RFFL: variants seen among roughly 807,000 people sequenced by gnomAD.
RFFL encodes the protein E3 ubiquitin-protein ligase rififylin.
In RFFL, 16 loss-of-function variants were observed where a neutral mutation model predicts 40.4. The observed-to-expected ratio is 0.40, with a 90% CI of 0.27 to 0.60. RFFL has a LOEUF of 0.60. Ranked by LOEUF, RFFL falls within the 20% of genes least tolerant of loss-of-function variation. The probability of loss-of-function intolerance (pLI) is 0.47; values close to 1 mark genes in which losing one functional copy is unlikely to be tolerated. For missense variants in RFFL, 367 were observed against 451.7 expected (o/e 0.81, Z 1.70); for synonymous variants, 154 against 167.9 (o/e 0.92, Z 0.64).
chr17:35,012,461 T>G (rs142309953), intron 6 of RFFL, among the ~76,000 whole-genome samples: 1 of 152,270 alleles, frequency 6.6e-6, no homozygotes, highest in African/African-American at 2.4e-5. Context: ...AAAGAAATAA[T>G]TTTCAGACTG....
At chr17:35,054,059 A>T (rs1434175947) in intron 1 of RFFL, among the ~76,000 whole-genome samples, 2 of 152,284 alleles carry the variant, frequency 1.3e-5, no homozygotes, top group East Asian at 3.9e-4. Flanking sequence ...GAGAAGCTAG[A>T]TTGGCACCAC....
At chr17:35,076,402 C>T (rs1376590161) in intron 1 of RFFL, among the ~76,000 whole-genome samples, 4 of 151,872 alleles carry the variant, frequency 2.6e-5, no homozygotes, top group Admixed American at 1.3e-4. Context: ...GTAAAAACGC[C>T]GGGCGTGGTG....
In RFFL at chr17:35,026,459, G is replaced by C; in HGVS notation, c.95C>G (p.Pro32Arg). ...QGARMQAYSN[P>R]GYSSFPSPTG... ...TGGGGAAGGGAAGGAGCTGTACCCAGGGTTGGAATAGGCCTGCATCCTGGC... is the reference window on the plus strand; with the variant it reads ...TGGGGAAGGGAAGGAGCTGTACCCACGGTTGGAATAGGCCTGCATCCTGGC... Residue 32 changes from proline to arginine, a missense_variant, in exon 2 of 7, where the codon CCT becomes CGT. Pro to Arg is a moderately radical substitution (Grantham distance 103). Coordinates refer to ENST00000394597, the MANE Select transcript of RFFL (RefSeq NM_001017368.2). 1 of 1,613,954 alleles carries C rather than the reference G, an allele frequency of 6.2e-7. No homozygotes were observed. Among genetic ancestry groups the C allele is most frequent in the Non-Finnish European group, 8.5e-7 (1 of 1,179,922 alleles).
At chr17:35,061,921 C>T (rs2091293565) in intron 1 of RFFL, among the ~76,000 whole-genome samples, 1 of 151,890 alleles carries the variant, frequency 6.6e-6, no homozygotes, top group Non-Finnish European at 1.5e-5. Context: ...CTCAGGTGAT[C>T]TGCCCACCTC....
chr17:35,083,730 A>C (rs557553921), intron 1 of RFFL, among the ~76,000 whole-genome samples: 12 of 149,322 alleles, frequency 8.0e-5, no homozygotes, highest in Non-Finnish European at 1.5e-4. Context: ...GCAGTGAGCC[A>C]AGATCACACC....
At chr17:35,062,058 A>G (rs1249307500) in intron 1 of RFFL, among the ~76,000 whole-genome samples, 1 of 152,160 alleles carries the variant, frequency 6.6e-6, no homozygotes, top group Non-Finnish European at 1.5e-5. Context: ...CACATCAAAC[A>G]GTACTCCAAC....
Position 35,069,319 on chromosome 17 carries a change from G to T in RFFL, c.-9+19786C>A, listed in dbSNP as rs1351824956. 2.0e-5 allele frequency: 9 copies of T among 456,618 alleles called. No homozygotes were observed. In the East Asian group the frequency reaches 4.9e-4, roughly 25 times the overall value. The allele number at this position is 456,618 out of a possible 1,614,324, so 28.3% of individuals were successfully genotyped here. A position where few individuals can be genotyped will look rare whatever the true frequency, so the allele number is the denominator to read the frequency against. ...CTTTGTTCATGTCCCCAAGTCTAGGGGGCCTTTGTCAACACGTGTTTCATC... is the reference window on the plus strand; with the variant it reads ...CTTTGTTCATGTCCCCAAGTCTAGGTGGCCTTTGTCAACACGTGTTTCATC... On this transcript the variant is annotated intron_variant, in intron 1 of 6. Transcript: ENST00000315249.
intron 2 of RFFL, among the ~76,000 whole-genome samples, chr17:35,024,476 T>C (rs1320483418): frequency 6.6e-6 from 1 of 151,976 alleles, no homozygotes; most frequent in East Asian, 1.9e-4. Flanking sequence ...TCCAAAACCG[T>C]CAGGGTCGCT....
chr17:35,058,746 GGGTGACAGAGCGAGACTCTGTTT>G (rs1008823405), intron 1 of RFFL, among the ~76,000 whole-genome samples: 26 of 152,276 alleles, frequency 1.7e-4, no homozygotes, highest in African/African-American at 5.5e-4. Flanking sequence ...ACTCCAGCCT[GGGTGACAGAGCGAGACTCTGTTT>G]CAAAAAATAA....
intron 1 of RFFL, among the ~76,000 whole-genome samples, chr17:35,027,010 T>C (rs951423978): frequency 9.9e-5 from 15 of 152,196 alleles, no homozygotes; most frequent in Admixed American, 9.2e-4. Context: ...TGGGGAAGAC[T>C]ATTGTTCATT....
chr17:35,013,731 T>C (rs960376069), intron 6 of RFFL, among the ~76,000 whole-genome samples: 7 of 152,186 alleles, frequency 4.6e-5, no homozygotes, highest in African/African-American at 1.7e-4. Flanking sequence ...CAGTTACTCA[T>C]TCTCTCAGAA....
At chr17:35,049,249 A>G (rs2091218168) in intron 1 of RFFL, among the ~76,000 whole-genome samples, 1 of 152,180 alleles carries the variant, frequency 6.6e-6, no homozygotes, top group African/African-American at 2.4e-5. Flanking sequence ...TGCTCCTGGA[A>G]TTACAAAGTG....
chr17:35,029,004 A>T (rs972700267), intron 1 of RFFL, among the ~76,000 whole-genome samples: 5 of 152,004 alleles, frequency 3.3e-5, no homozygotes, highest in African/African-American at 1.2e-4. Flanking sequence ...AGGTAGCTCA[A>T]CAAGAACTAG....
At chr17:35,036,941 A>G (rs538033594) in intron 1 of RFFL, among the ~76,000 whole-genome samples, 4 of 152,326 alleles carry the variant, frequency 2.6e-5, no homozygotes, top group Admixed American at 1.3e-4. Flanking sequence ...TTTGCAATGT[A>G]ACTCCAAAGA....
Position 35,068,790 on chromosome 17 carries a change from TGGA to T in RFFL, c.-9+20312_-9+20314del, listed in dbSNP as rs776498714. 3.3e-5 allele frequency among the ~76,000 whole-genome samples: 5 copies of T among 151,920 alleles called. No individual in the cohort carries two copies. In the East Asian group the frequency reaches 9.6e-4, roughly 29 times the overall value. ...GTCAGGACCCAGCCTGAGGACCCGA[TGGA>T]GGAGGAGGAGGAGAAAGGAAGTCAG... On this transcript the variant is annotated intron_variant, in intron 1 of 6. Transcript: ENST00000315249.
At chr17:35,083,780 C>CA (rs1386219932) in intron 1 of RFFL, among the ~76,000 whole-genome samples, 259 of 76,764 alleles carry the variant, frequency 3.4e-3, no homozygotes, top group Non-Finnish European at 3.4e-3. Context: ...GACTCTGTCT[C>CA]AAAAAAAAAA....
intron 2 of RFFL, among the ~76,000 whole-genome samples, chr17:35,025,864 G>A (rs1053793910): frequency 6.6e-6 from 1 of 152,200 alleles, no homozygotes; most frequent in African/African-American, 2.4e-5. Flanking sequence ...CAGTAAATAA[G>A]CTCCAGTCTT....
chr17:35,055,209 C>A (rs574276232), intron 1 of RFFL, among the ~76,000 whole-genome samples: 86 of 152,070 alleles, frequency 5.7e-4, no homozygotes, highest in Admixed American at 9.8e-4. Flanking sequence ...TGAGCCACAG[C>A]GCCCGGCCAA....
At chr17:35,065,104 T>A (rs951877001), upstream of RFFL, among the ~76,000 whole-genome samples, 1 of 152,084 alleles carries the variant, frequency 6.6e-6, no homozygotes, top group Non-Finnish European at 1.5e-5. Flanking sequence ...TGACAACCAT[T>A]ATCTCTTCAA....
Sources: gnomAD v4.1 joint callset for allele counts (sites outside exome capture counted in the v4.1 genomes callset) on GRCh38, gnomAD v4.1.1 for gene constraint, MANE v1.5 for transcripts, NCBI Gene and HGNC (gene_info 2026-07-23, HGNC 2026-07-21) for gene names.